SAMMSON: variants seen among roughly 807,000 people sequenced by gnomAD.
The protein encoded by SAMMSON is long intergenic non-protein coding RNA 1212.
At chr3:70,210,048 G>C (rs895924461) in intron 4 of SAMMSON, among the ~76,000 whole-genome samples, 2 of 152,052 alleles carry the variant, frequency 1.3e-5, no homozygotes, top group Admixed American at 6.5e-5. Context: ...ACGTAGTCAG[G>C]CTGCATGTAA....
intron 4 of SAMMSON, among the ~76,000 whole-genome samples, chr3:70,101,456 C>T (rs2067345781): frequency 6.6e-6 from 1 of 151,764 alleles, no homozygotes; most frequent in East Asian, 1.9e-4. Context: ...TGATAATTTA[C>T]CTCGTTGTTT....
chr3:70,276,752 C>T (rs1021869298), intron 6 of SAMMSON, among the ~76,000 whole-genome samples: 2 of 152,184 alleles, frequency 1.3e-5, no homozygotes, highest in Non-Finnish European at 2.9e-5. Context: ...TGTGTTTTCA[C>T]ACTATAATGG....
intron 4 of SAMMSON, among the ~76,000 whole-genome samples, chr3:70,167,835 T>G (rs1051044569): frequency 3.3e-5 from 5 of 151,972 alleles, no homozygotes; most frequent in African/African-American, 1.2e-4. Context: ...AGAAGAAGCC[T>G]GTGGTCATCG....
chr3:70,346,960 A>G (rs986353027), intron 7 of SAMMSON, among the ~76,000 whole-genome samples: 2 of 152,156 alleles, frequency 1.3e-5, no homozygotes, highest in Non-Finnish European at 2.9e-5. Context: ...CTGATTCTAA[A>G]CCATTATGCA....
intron 3 of SAMMSON, among the ~76,000 whole-genome samples, chr3:70,022,460 T>C (rs1481505441): frequency 2.0e-5 from 3 of 151,184 alleles, no homozygotes; most frequent in African/African-American, 2.4e-5. Context: ...AGAAATTGTA[T>C]TGTGATACTG....
intron 1 of SAMMSON, among the ~76,000 whole-genome samples, chr3:70,009,763 T>C (rs28863205): frequency 0.11 from 16,001 of 146,192 alleles, 1,383 homozygotes; most frequent in African/African-American, 0.24. Context: ...CCTGCTTTCT[T>C]TTGTGGGCAT....
chr3:70,175,402 A>G (rs1701002145), intron 4 of SAMMSON, among the ~76,000 whole-genome samples: 1 of 152,044 alleles, frequency 6.6e-6, no homozygotes, highest in South Asian at 2.1e-4. Flanking sequence ...GTTTATTCTC[A>G]TCAAGCCCTA....
chr3:70,090,158 G>C (rs1184524276), intron 4 of SAMMSON, among the ~76,000 whole-genome samples: 3 of 152,084 alleles, frequency 2.0e-5, no homozygotes, highest in Admixed American at 2.0e-4. Context: ...GAACAAAATA[G>C]TATTTTGTTT....
chr3:70,403,070 G>T lies in SAMMSON; in HGVS notation n.233+44746G>T, dbSNP rs184755945. 1.8e-4 allele frequency among the ~76,000 whole-genome samples: 27 copies of T among 152,082 alleles called. No individual in the cohort carries two copies. In the East Asian group the frequency reaches 5.0e-3, roughly 28 times the overall value. ...GCCCATTTAATAAATAATTTCTTTT[G>T]CTACTTCAGTGTGTTAGTTTAGGGA... On this transcript the variant is annotated intron_variant and non_coding_transcript_variant, in intron 2 of 3. Transcript: ENST00000641053.
chr3:70,287,715 G>T (rs1311349351), intron 6 of SAMMSON, among the ~76,000 whole-genome samples: 2 of 151,862 alleles, frequency 1.3e-5, no homozygotes, highest in Non-Finnish European at 2.9e-5. Context: ...GTAAGCTATT[G>T]ATTATTGCCA....
intron 9 of SAMMSON, among the ~76,000 whole-genome samples, chr3:70,381,785 C>T (rs2106752161): frequency 6.6e-6 from 1 of 152,078 alleles, no homozygotes; most frequent in Non-Finnish European, 1.5e-5. Context: ...TTTCTTCAAG[C>T]CAATAGCTTT....
chr3:70,419,485 A>T (rs941124174), intron 2 of SAMMSON, among the ~76,000 whole-genome samples: 1 of 152,094 alleles, frequency 6.6e-6, no homozygotes, highest in Non-Finnish European at 1.5e-5. Context: ...TCAGTCTTTG[A>T]GGTAAGTTCT....
intron 4 of SAMMSON, among the ~76,000 whole-genome samples, chr3:70,207,926 A>G (rs935273277): frequency 2.0e-5 from 3 of 152,050 alleles, no homozygotes; most frequent in African/African-American, 7.2e-5. Context: ...CTGCTCTGCA[A>G]CAAGCGCTGG....
intron 2 of SAMMSON, among the ~76,000 whole-genome samples, chr3:70,430,443 G>A (rs552732863): frequency 6.6e-6 from 1 of 152,194 alleles, no homozygotes; most frequent in African/African-American, 2.4e-5. Flanking sequence ...TGTTATGAGA[G>A]CATGTGACTT....
chr3:70,309,171 A>G (rs1381728229), intron 7 of SAMMSON, among the ~76,000 whole-genome samples: 2 of 152,104 alleles, frequency 1.3e-5, no homozygotes, highest in Non-Finnish European at 2.9e-5. Flanking sequence ...AATGAATAGA[A>G]TTTGGACCTC....
chr3:70,294,746 TC>T (rs895803138), intron 7 of SAMMSON, among the ~76,000 whole-genome samples: 20 of 152,166 alleles, frequency 1.3e-4, no homozygotes, highest in African/African-American at 4.8e-4. Context: ...CTTTTAAGAA[TC>T]CAGATTTTTT....
At chr3:70,430,599 A>T (rs1414992770) in intron 2 of SAMMSON, among the ~76,000 whole-genome samples, 1 of 152,156 alleles carries the variant, frequency 6.6e-6, no homozygotes, top group African/African-American at 2.4e-5. Context: ...TGGTGAAGCC[A>T]AAGAAGAAGC....
chr3:70,161,305 G>T (rs895930959), intron 4 of SAMMSON, among the ~76,000 whole-genome samples: 1 of 152,000 alleles, frequency 6.6e-6, no homozygotes, highest in African/African-American at 2.4e-5. Flanking sequence ...GTTCACTGCA[G>T]ATTTTACGTA....
chr3:70,078,281 A>G (rs2067256032), intron 4 of SAMMSON, among the ~76,000 whole-genome samples: 1 of 152,152 alleles, frequency 6.6e-6, no homozygotes, highest in Admixed American at 6.5e-5. Flanking sequence ...CAGTGTCACC[A>G]GTTAGATAGC....
Sources: gnomAD v4.1 joint callset for allele counts (sites outside exome capture counted in the v4.1 genomes callset) on GRCh38, gnomAD v4.1.1 for gene constraint, MANE v1.5 for transcripts, NCBI Gene and HGNC (gene_info 2026-07-23, HGNC 2026-07-21) for gene names.